LRBA: variants seen among roughly 807,000 people sequenced by gnomAD.
LRBA encodes the protein LPS responsive beige-like anchor protein.
Under a neutral mutation model 330.0 loss-of-function variants are expected in LRBA, and 176 were observed. That is an observed-to-expected ratio of 0.53 (90% CI 0.47 to 0.60). The LOEUF is 0.60. Ranked by LOEUF, LRBA falls within the 20% of genes least tolerant of loss-of-function variation. The probability of loss-of-function intolerance (pLI) is 0.00; values close to 1 mark genes in which losing one functional copy is unlikely to be tolerated. For synonymous variants in LRBA, 1,230 were observed against 1,193.0 expected (o/e 1.03, Z -0.64); for missense variants, 3,259 against 3,444.8 (o/e 0.95, Z 1.35).
At chr4:150,856,389 A>G (rs1447815371) in intron 22 of LRBA, among the ~76,000 whole-genome samples, 1 of 152,028 alleles carries the variant, frequency 6.6e-6, no homozygotes, top group African/African-American at 2.4e-5. Context: ...CTTGTTTCTT[A>G]TATTTCATTT....
chr4:150,304,638 T>G (rs1344780933), intron 52 of LRBA, among the ~76,000 whole-genome samples: 1 of 151,996 alleles, frequency 6.6e-6, no homozygotes, highest in East Asian at 1.9e-4. Flanking sequence ...TAAGCTTATA[T>G]CAATAAAGAA....
At chr4:150,468,279 AT>A (rs1755678305) in intron 43 of LRBA, among the ~76,000 whole-genome samples, 1 of 152,032 alleles carries the variant, frequency 6.6e-6, no homozygotes, top group Non-Finnish European at 1.5e-5. Flanking sequence ...CCAGTCATCT[AT>A]AAAATGAGGG....
At chr4:150,626,719 T>A (rs1275990679) in intron 37 of LRBA, among the ~76,000 whole-genome samples, 1 of 152,152 alleles carries the variant, frequency 6.6e-6, no homozygotes, top group Non-Finnish European at 1.5e-5. Context: ...CAAATTAAGA[T>A]TTCACTGCCA....
intron 28 of LRBA, among the ~76,000 whole-genome samples, chr4:150,842,844 C>T (rs929796659): frequency 6.6e-6 from 1 of 151,432 alleles, no homozygotes; most frequent in Non-Finnish European, 1.5e-5. Flanking sequence ...GGTCCCCAAC[C>T]TTTTTGGCAC....
At chr4:150,673,818 T>C (rs1279351864) in intron 37 of LRBA, among the ~76,000 whole-genome samples, 4 of 152,232 alleles carry the variant, frequency 2.6e-5, no homozygotes, top group Admixed American at 2.6e-4. Flanking sequence ...TGTATCACTT[T>C]CATACTAATA....
At chr4:150,275,629 C>T (rs974425048) in intron 56 of LRBA, among the ~76,000 whole-genome samples, 1 of 152,174 alleles carries the variant, frequency 6.6e-6, no homozygotes, top group Non-Finnish European at 1.5e-5. Flanking sequence ...CATTCCTATA[C>T]ACCAATAACA....
chr4:150,619,987 A>C (rs1388114442), intron 37 of LRBA, among the ~76,000 whole-genome samples: 1 of 152,136 alleles, frequency 6.6e-6, no homozygotes, highest in African/African-American at 2.4e-5. Context: ...TAAAATTCCT[A>C]AATGAATGTA....
intron 33 of LRBA, among the ~76,000 whole-genome samples, chr4:150,804,379 A>G (rs1210815228): frequency 1.3e-5 from 2 of 152,196 alleles, no homozygotes; most frequent in Non-Finnish European, 2.9e-5. Context: ...ATTCCTAACT[A>G]AAGCTTCATA....
intron 44 of LRBA, among the ~76,000 whole-genome samples, chr4:150,437,949 A>T (rs914599307): frequency 6.6e-6 from 1 of 152,226 alleles, no homozygotes; most frequent in Non-Finnish European, 1.5e-5. Flanking sequence ...AACTCCATTA[A>T]ATAGCAGGCA....
At position 150,552,075 on chromosome 4, in the gene LRBA, C is replaced by T. The variant is rs564618237; in HGVS notation, c.6330+35973G>A. Among the ~76,000 whole-genome samples the T allele has an allele frequency of 3.9e-5, 6 of 152,168 alleles. No homozygotes were observed. The East Asian group carries it at 7.7e-4, about 20-fold the overall frequency. ...CATATGCACAGTACACAATAAGGTT[C>T]GCACCCCTATGAAAATCTAATGCCA... On this transcript the variant is annotated intron_variant, in intron 40 of 56. Transcript: ENST00000651943.
chr4:150,748,680 A>G (rs1480593863), intron 35 of LRBA, among the ~76,000 whole-genome samples: 1 of 152,068 alleles, frequency 6.6e-6, no homozygotes, highest in African/African-American at 2.4e-5. Flanking sequence ...GAAAAAAAAA[A>G]AAAAAGAATG....
At chr4:150,663,045 A>G (rs1008828035) in intron 37 of LRBA, among the ~76,000 whole-genome samples, 2 of 152,176 alleles carry the variant, frequency 1.3e-5, no homozygotes, top group Admixed American at 6.5e-5. Context: ...GCCCTCACAA[A>G]CTTTACAAAC....
At chr4:150,324,964 A>G (rs1264407554) in intron 49 of LRBA, among the ~76,000 whole-genome samples, 2 of 152,150 alleles carry the variant, frequency 1.3e-5, no homozygotes, top group African/African-American at 2.4e-5. Flanking sequence ...TATAAAGGTA[A>G]AATGGCCACC....
intron 28 of LRBA, among the ~76,000 whole-genome samples, chr4:150,839,083 G>A (rs779962026): frequency 7.2e-5 from 11 of 152,110 alleles, no homozygotes; most frequent in Non-Finnish European, 1.5e-4. Context: ...CGAAGGAGAT[G>A]AACAGACAAT....
In LRBA at chr4:150,839,537, C is replaced by T. The variant is rs368725992; in HGVS notation, c.4569+4563G>A. Among the ~76,000 whole-genome samples, 73 of 152,238 alleles carry T rather than the reference C, an allele frequency of 4.8e-4. No individual in the cohort carries two copies. The South Asian group carries it at 0.014, about 29-fold the overall frequency. On this transcript the variant is annotated intron_variant, in intron 28 of 56. Transcript: ENST00000651943. The stretch of plus-strand genomic sequence containing the variant: ...ATTAAGAAAATGTGGCACATATACA[C>T]CATGGAATACTATGCAGCCATAAAA...
At chr4:150,285,885 G>T (rs1748075541) in intron 54 of LRBA, 48 bp downstream of exon 54, 2 of 1,240,654 alleles carry the variant, frequency 1.6e-6, no homozygotes. Flanking sequence ...TTTGTTTCTA[G>T]AAGACAGCAA....
chr4:150,892,997 G>A, intron 17 of LRBA, 55 bp downstream of exon 17: 1 of 1,067,590 alleles, frequency 9.4e-7, no homozygotes, highest in Non-Finnish European at 1.4e-6. Context: ...TATTTAAGAA[G>A]CTTTCAAATA....
At position 150,435,705 on chromosome 4, in the gene LRBA, G is replaced by A; in HGVS notation, c.6925C>T (p.Pro2309Ser). 1.9e-6 allele frequency: 3 copies of A among 1,592,640 alleles called. No homozygotes were observed. The highest frequency in any genetic ancestry group is 1.4e-5 in the African/African-American group (1 of 73,620). The change falls in exon 46 of 57, where the codon CCC (proline) becomes TCC (serine). Residue 2309 changes from proline (P) to serine (S), a missense_variant. Transcript: ENST00000651943. Reference sequence around the variant, plus strand: ...AAATTTAGGAAATAAGTTGTAAAGGGTTCCTAAAAAATAGCAATTAAAAAA... The same window carrying A: ...AAATTTAGGAAATAAGTTGTAAAGGATTCCTAAAAAATAGCAATTAAAAAA... ...FVLAWLLRIE[P>S]FTTYFLNLQG... is the part of the protein sequence containing the mutation.
chr4:150,724,403 T>C (rs898002655), intron 36 of LRBA, among the ~76,000 whole-genome samples: 2 of 152,180 alleles, frequency 1.3e-5, no homozygotes, highest in African/African-American at 4.8e-5. Flanking sequence ...CACAGCCTTA[T>C]TGGGGTTGGG....
Sources: gnomAD v4.1 joint callset for allele counts (sites outside exome capture counted in the v4.1 genomes callset) on GRCh38, gnomAD v4.1.1 for gene constraint, MANE v1.5 for transcripts, NCBI Gene and HGNC (gene_info 2026-07-23, HGNC 2026-07-21) for gene names.